Variants in PTH2R observed in about 807,000 individuals in gnomAD.
PTH2R encodes PTH2 receptor.
In PTH2R, 59 loss-of-function variants were observed where a neutral mutation model predicts 60.3. The ratio of observed to expected loss-of-function variants is 0.98; its 90% CI spans 0.79 to 1.22. The LOEUF (loss-of-function observed/expected upper bound fraction) is 1.22. Ranked by LOEUF, PTH2R falls within the 50% of genes most tolerant of loss-of-function variation. The probability of loss-of-function intolerance (pLI) is 0.00; values close to 1 mark genes in which losing one functional copy is unlikely to be tolerated. For missense variants in PTH2R, 749 were observed against 682.6 expected (o/e 1.10, Z -1.08); for synonymous variants, 256 against 243.8 (o/e 1.05, Z -0.47).
At chr2:208,443,739 G>GT (rs1172139540) in intron 6 of PTH2R, among the ~76,000 whole-genome samples, 1 of 152,076 alleles carries the variant, frequency 6.6e-6, no homozygotes, top group East Asian at 1.9e-4. Flanking sequence ...AAGTTCTTGG[G>GT]TTTTTTCCTC....
chr2:208,428,068 C>A, intron 1 of PTH2R, 133 bp from the exon 2 acceptor site: 2 of 592,444 alleles, frequency 3.4e-6, no homozygotes, highest in Non-Finnish European at 5.6e-6. Flanking sequence ...AATTTTGATT[C>A]AGATAAAGGA....
intron 9 of PTH2R, among the ~76,000 whole-genome samples, chr2:208,474,813 C>T (rs79039870): frequency 1.2e-4 from 18 of 152,284 alleles, no homozygotes; most frequent in East Asian, 5.8e-4. Flanking sequence ...AGCTTGGAGA[C>T]GCAAATGTCT....
At chr2:208,416,831 G>A (rs907762186) in intron 1 of PTH2R, among the ~76,000 whole-genome samples, 1 of 152,156 alleles carries the variant, frequency 6.6e-6, no homozygotes, top group African/African-American at 2.4e-5. Context: ...CGTGCTGGTT[G>A]CTTCCTGCCC....
intron 10 of PTH2R, among the ~76,000 whole-genome samples, chr2:208,484,186 A>G (rs1242185431): frequency 6.6e-6 from 1 of 152,230 alleles, no homozygotes; most frequent in Non-Finnish European, 1.5e-5. Context: ...CTACTATGAA[A>G]AACAGAAAAC....
At chr2:208,367,403 A>G (rs1700613432) in intron 1 of PTH2R, among the ~76,000 whole-genome samples, 1 of 148,458 alleles carries the variant, frequency 6.7e-6, no homozygotes, top group Admixed American at 6.9e-5. Flanking sequence ...ATTCAGCTAA[A>G]GTTTTTATTT....
chr2:208,363,346 A>G (rs1355329706), intron 1 of PTH2R, among the ~76,000 whole-genome samples: 1 of 152,202 alleles, frequency 6.6e-6, no homozygotes, highest in Non-Finnish European at 1.5e-5. Context: ...ATGTTGCTGC[A>G]AAGGACATGA....
intron 1 of PTH2R, among the ~76,000 whole-genome samples, chr2:208,395,995 G>C (rs1268578344): frequency 2.0e-5 from 3 of 152,160 alleles, no homozygotes; most frequent in Non-Finnish European, 2.9e-5. Flanking sequence ...AGAGGCCTCA[G>C]AAATAACACC....
At chr2:208,386,707 T>C (rs574805836) in intron 1 of PTH2R, among the ~76,000 whole-genome samples, 1 of 152,244 alleles carries the variant, frequency 6.6e-6, no homozygotes, top group East Asian at 1.9e-4. Flanking sequence ...CTCCCCATGG[T>C]TTGCAAATCA....
intron 4 of PTH2R, among the ~76,000 whole-genome samples, chr2:208,441,185 A>C (rs955840219): frequency 6.6e-6 from 1 of 152,226 alleles, no homozygotes; most frequent in Non-Finnish European, 1.5e-5. Flanking sequence ...AACAGCTCAC[A>C]TAACTCAGAG....
At chr2:208,408,758 G>C (rs1338936892) in intron 1 of PTH2R, among the ~76,000 whole-genome samples, 1 of 151,800 alleles carries the variant, frequency 6.6e-6, no homozygotes, top group Non-Finnish European at 1.5e-5. Flanking sequence ...GAGAGAGAGA[G>C]AGAGAGAAAT....
At chr2:208,369,588 C>T (rs1700656130) in intron 1 of PTH2R, among the ~76,000 whole-genome samples, 1 of 151,812 alleles carries the variant, frequency 6.6e-6, no homozygotes, top group Non-Finnish European at 1.5e-5. Context: ...CTGGTCTTCA[C>T]CTCAAGTGAT....
intron 1 of PTH2R, among the ~76,000 whole-genome samples, chr2:208,426,188 A>G (rs1170343287): frequency 6.6e-6 from 1 of 152,240 alleles, no homozygotes; most frequent in Non-Finnish European, 1.5e-5. Context: ...TTAATAAAGT[A>G]CAAATTACCA....
At chr2:208,428,009 T>G (rs1701892666) in intron 1 of PTH2R, among the ~76,000 whole-genome samples, 192 bp from the exon 2 acceptor site, 1 of 152,094 alleles carries the variant, frequency 6.6e-6, no homozygotes, top group African/African-American at 2.4e-5. Flanking sequence ...AAAAGGCTAA[T>G]CAGGTAAAAG....
Position 208,407,111 on chromosome 2 carries a change from G to C in PTH2R, c.68G>C (p.Arg23Thr). 1 of 1,399,366 alleles carries C rather than the reference G, an allele frequency of 7.1e-7. No homozygotes were observed. Among genetic ancestry groups the C allele is most frequent in the Non-Finnish European group, 9.3e-7 (1 of 1,069,778 alleles). 86.7% of individuals were successfully genotyped at this position (1,399,366 alleles called of 1,614,324 possible). Residue 23 changes from arginine to threonine, a missense_variant, in exon 1 of 13, where the codon AGA (arginine) becomes ACA (threonine). By Grantham distance (71) the Arg-to-Thr change is moderately conservative (BLOSUM62 -1). Coordinates refer to ENST00000272847, the MANE Select transcript of PTH2R (RefSeq NM_005048.4). ...WLMLGSCLLA[R>T]AQLDSDGTIT... Reference sequence around the variant, plus strand: ...ATGCTCGGCAGCTGCCTCCTGGCCAGAGCCCAGGTAAGAGCCAGTGCTCCG... The same window carrying C: ...ATGCTCGGCAGCTGCCTCCTGGCCACAGCCCAGGTAAGAGCCAGTGCTCCG...
intron 2 of PTH2R, among the ~76,000 whole-genome samples, chr2:208,433,333 A>C (rs2105860740): frequency 6.6e-6 from 1 of 152,360 alleles, no homozygotes; most frequent in South Asian, 2.1e-4. Context: ...TAAAATGTCT[A>C]ATTATATATA....
chr2:208,485,422 G>A (rs1446427322), intron 10 of PTH2R, among the ~76,000 whole-genome samples: 1 of 152,142 alleles, frequency 6.6e-6, no homozygotes, highest in Non-Finnish European at 1.5e-5. Flanking sequence ...TGCATTTTCA[G>A]AGAGCCAGGG....
intron 1 of PTH2R, among the ~76,000 whole-genome samples, chr2:208,383,689 T>A (rs187751174): frequency 6.6e-6 from 1 of 152,324 alleles, no homozygotes. Flanking sequence ...ATGCATGAGG[T>A]ACATATCGAT....
At position 208,443,384 on chromosome 2, in the gene PTH2R, C is replaced by G; in HGVS notation, c.546C>G (p.His182Gln). The change falls in exon 6 of 13, where the codon CAC (histidine) becomes CAG (glutamine). Residue 182 changes from histidine to glutamine, a missense_variant. Transcript: ENST00000272847. ...LHCTRNYIHM[H>Q]LFVSFMLRAT... is the part of the protein sequence containing the mutation. ...GCACTAGGAACTATATCCACATGCA[C>G]TTATTTGTGTCTTTCATGCTGAGAG... 6.2e-7 allele frequency: 1 copy of G among 1,608,270 alleles called. No homozygotes were observed. Among genetic ancestry groups the G allele is most frequent in the Non-Finnish European group, 8.5e-7 (1 of 1,177,902 alleles).
chr2:208,430,115 G>GT (rs1330536635), intron 2 of PTH2R, among the ~76,000 whole-genome samples: 2 of 152,046 alleles, frequency 1.3e-5, no homozygotes, highest in African/African-American at 4.8e-5. Flanking sequence ...AATTCCTTTA[G>GT]TGGTTATCCT....
Sources: allele counts gnomAD v4.1 joint callset (sites outside exome capture counted in the v4.1 genomes callset), GRCh38; gene constraint gnomAD v4.1.1; transcripts MANE v1.5; gene names NCBI Gene and HGNC (gene_info 2026-07-23, HGNC 2026-07-21).